PHACTR1: variants seen among roughly 807,000 people sequenced by gnomAD.
PHACTR1 encodes RPEL repeat containing 1.
A neutral mutation model predicts 69.2 loss-of-function variants in PHACTR1; 16 were observed. That is an observed-to-expected ratio of 0.23 (90% CI 0.16 to 0.35). The LOEUF is 0.35. PHACTR1 is among the 10% of genes least tolerant of loss of function. PHACTR1 has a pLI of 1.00. For missense variants in PHACTR1, 510 were observed against 734.7 expected, an observed-to-expected ratio of 0.69 and a Z score of 3.54; for synonymous variants, 312 against 284.5, an observed-to-expected ratio of 1.10 and a Z score of -0.97.
intron 4 of PHACTR1, among the ~76,000 whole-genome samples, chr6:12,877,152 C>T (rs952584917): frequency 1.3e-5 from 2 of 152,192 alleles, no homozygotes; most frequent in Non-Finnish European, 2.9e-5. Context: ...TCTGAGCACC[C>T]TGTGGCCCAG....
At chr6:12,854,304 T>C (rs1317897717) in intron 4 of PHACTR1, among the ~76,000 whole-genome samples, 1 of 152,216 alleles carries the variant, frequency 6.6e-6, no homozygotes, top group Non-Finnish European at 1.5e-5. Context: ...GCTTAAAGCT[T>C]TGTCATGGAA....
chr6:13,149,814 C>T (rs1308147977), intron 5 of PHACTR1, among the ~76,000 whole-genome samples: 2 of 145,748 alleles, frequency 1.4e-5, no homozygotes, highest in South Asian at 2.2e-4. Flanking sequence ...TAAAAAGTTA[C>T]GAGATTTTTT....
intron 3 of PHACTR1, among the ~76,000 whole-genome samples, chr6:12,719,225 G>C (rs1175318486): frequency 6.6e-6 from 1 of 152,174 alleles, no homozygotes; most frequent in Admixed American, 6.5e-5. Context: ...CCAGTGGACT[G>C]GAATCCAGCA....
At chr6:13,088,517 C>CT (rs964357105) in intron 5 of PHACTR1, among the ~76,000 whole-genome samples, 10 of 152,226 alleles carry the variant, frequency 6.6e-5, no homozygotes, top group Non-Finnish European at 1.5e-4. Flanking sequence ...TATTCCCAAA[C>CT]TTTTTTTGAG....
chr6:13,237,770 C>T (rs566587363), intron 10 of PHACTR1, among the ~76,000 whole-genome samples: 1 of 152,324 alleles, frequency 6.6e-6, no homozygotes, highest in East Asian at 1.9e-4. Context: ...ATGGTAGAGT[C>T]TACTACACAC....
chr6:13,281,320 G>A (rs551472452), intron 12 of PHACTR1: 2 of 349,170 alleles, frequency 5.7e-6, no homozygotes, highest in South Asian at 4.3e-5. Context: ...TTGGGAGGCT[G>A]AGAACGGCGG....
At chr6:13,134,911 G>C (rs922493675) in intron 5 of PHACTR1, among the ~76,000 whole-genome samples, 21 of 151,504 alleles carry the variant, frequency 1.4e-4, no homozygotes, top group African/African-American at 5.1e-4. Flanking sequence ...TAACCTACCC[G>C]AGTACACACA....
chr6:12,975,565 T>C (rs559725565), intron 4 of PHACTR1, among the ~76,000 whole-genome samples: 1 of 152,300 alleles, frequency 6.6e-6, no homozygotes, highest in South Asian at 2.1e-4. Context: ...CAAAAGTCTT[T>C]CTTTATGTAT....
chr6:13,125,303 C>A, intron 5 of PHACTR1, among the ~76,000 whole-genome samples: 1 of 151,938 alleles, frequency 6.6e-6, no homozygotes, highest in East Asian at 1.9e-4. Flanking sequence ...AATATCTGTT[C>A]TGCTCTAATT....
rs562219396 is a variant in PHACTR1 at position 13,250,790 on chromosome 6, G to C, written c.1391+20597G>C. 1.2e-4 allele frequency among the ~76,000 whole-genome samples: 19 copies of C among 152,184 alleles called. 1 individual carries two copies. The East Asian group carries it at 3.5e-3, about 28-fold the overall frequency. On this transcript the variant is annotated intron_variant, in intron 10 of 14. Transcript: ENST00000332995. ...CCAGATACTAAAACATGACTCCTTG[G>C]GCGCAAGACAGGTCTGGGCGCAAGA...
intron 10 of PHACTR1, among the ~76,000 whole-genome samples, chr6:13,232,785 T>C (rs1180977976): frequency 6.6e-6 from 1 of 152,200 alleles, no homozygotes; most frequent in African/African-American, 2.4e-5. Context: ...GGTTCTGGGC[T>C]ACTCCTGACC....
chr6:13,098,277 G>T lies in PHACTR1; in HGVS notation c.415+44748G>T, dbSNP rs547643953. 2.0e-5 allele frequency among the ~76,000 whole-genome samples: 3 copies of T among 152,206 alleles called. No homozygotes were observed. In the South Asian group the frequency reaches 6.2e-4, roughly 32 times the overall value. On this transcript the variant is annotated intron_variant, in intron 5 of 14. Coordinates refer to ENST00000332995, the MANE Select transcript of PHACTR1 (RefSeq NM_030948.6). ...GCATCCCAAGAATATTTACCCAATT[G>T]AACAGTCCTTCTTATTTAAGGCCCT...
chr6:12,800,505 C>T (rs1773570594), intron 4 of PHACTR1, among the ~76,000 whole-genome samples: 1 of 152,090 alleles, frequency 6.6e-6, no homozygotes, highest in Non-Finnish European at 1.5e-5. Context: ...AAGAGTGACT[C>T]CTAATTTTAA....
At chr6:13,280,926 C>T (rs1409066617) in intron 12 of PHACTR1, 1 of 1,284,378 alleles carries the variant, frequency 7.8e-7, no homozygotes, top group Non-Finnish European at 1.0e-6. Flanking sequence ...GACATGAGCC[C>T]ATGCACACAG....
chr6:13,140,998 A>G (rs980044797), intron 5 of PHACTR1, among the ~76,000 whole-genome samples: 1 of 152,228 alleles, frequency 6.6e-6, no homozygotes, highest in Admixed American at 6.5e-5. Context: ...TGTTTTCATC[A>G]CTTGTTCCTA....
chr6:12,893,923 A>AG (rs1437190702), intron 4 of PHACTR1, among the ~76,000 whole-genome samples: 2 of 152,190 alleles, frequency 1.3e-5, no homozygotes, highest in African/African-American at 2.4e-5. Context: ...CTCTCTGCTG[A>AG]GCAGGGGCAA....
At position 12,985,838 on chromosome 6, in the gene PHACTR1, AT is replaced by A. The variant is rs143286319; in HGVS notation, c.251-67513del. ...TTATATTAAGTTCAAAAACATGCTA[AT>A]TTTTTTTTTTTTTGAGATGGAGTTT... On this transcript the variant is annotated intron_variant, in intron 4 of 14. Coordinates refer to ENST00000332995, the MANE Select transcript of PHACTR1 (RefSeq NM_030948.6). 5.1e-3 allele frequency among the ~76,000 whole-genome samples: 746 copies of A among 144,890 alleles called. 3 individuals are homozygous for A. The highest frequency in any genetic ancestry group is 0.011 in the African/African-American group (432 of 39,786).
chr6:13,013,645 G>A (rs1325045547), intron 4 of PHACTR1, among the ~76,000 whole-genome samples: 2 of 152,118 alleles, frequency 1.3e-5, no homozygotes, highest in Non-Finnish European at 2.9e-5. Flanking sequence ...GAGCTTCTCA[G>A]GTAGGACCCA....
At position 13,078,679 on chromosome 6, in the gene PHACTR1, C is replaced by G. The variant is rs73368165; in HGVS notation, c.415+25150C>G. ...CAGACTGGCAGATACATTTAATCAG[C>G]AAAAGAGTTGTTCCTGTGATTAGCA... On this transcript the variant is annotated intron_variant, in intron 5 of 14. Transcript: ENST00000332995. Among the ~76,000 whole-genome samples the G allele has an allele frequency of 1.0e-2, 1,516 of 152,260 alleles. 17 individuals carry two copies. Among genetic ancestry groups the G allele is most frequent in the African/African-American group, 0.034 (1,398 of 41,554 alleles).
Sources: allele counts gnomAD v4.1 joint callset (sites outside exome capture counted in the v4.1 genomes callset), GRCh38; gene constraint gnomAD v4.1.1; transcripts MANE v1.5; gene names NCBI Gene and HGNC (gene_info 2026-07-23, HGNC 2026-07-21).